The following SCMH1 variants were observed in gnomAD, a reference collection of about 807,000 sequenced individuals.
SCMH1 encodes polycomb protein SCMH1.
A neutral mutation model predicts 70.8 loss-of-function variants in SCMH1; 37 were observed. The ratio of observed to expected loss-of-function variants is 0.52; its 90% CI spans 0.40 to 0.69. The LOEUF (loss-of-function observed/expected upper bound fraction) is 0.69, where lower values mean the gene tolerates loss of function less well. Among genes scored for constraint, SCMH1 ranks in the 30% least tolerant of loss-of-function variants. The probability of loss-of-function intolerance (pLI) is 0.00; values close to 1 mark genes in which losing one functional copy is unlikely to be tolerated. For synonymous variants in SCMH1, 292 were observed against 307.4 expected, an observed-to-expected ratio of 0.95 and a Z score of 0.52; for missense variants, 607 against 827.3, an observed-to-expected ratio of 0.73 and a Z score of 3.27.
At chr1:41,062,224 T>C (rs1239183703) in intron 10 of SCMH1, among the ~76,000 whole-genome samples, 1 of 151,956 alleles carries the variant, frequency 6.6e-6, no homozygotes, top group Non-Finnish European at 1.5e-5. Flanking sequence ...AACAGAATGA[T>C]ACATGAAAAA....
At chr1:41,075,442 G>T in exon 9 of SCMH1, 1 of 1,613,686 alleles carries the variant, frequency 6.2e-7, no homozygotes, top group Non-Finnish European at 8.5e-7. Flanking sequence ...GGGATTCTTT[G>T]GAATCACAAC....
At chr1:41,095,610 T>C (rs139022290) in intron 8 of SCMH1, among the ~76,000 whole-genome samples, 62 of 152,302 alleles carry the variant, frequency 4.1e-4, no homozygotes, top group African/African-American at 1.5e-3. Flanking sequence ...AGCAGGAAAA[T>C]GTGCCATTCT....
rs548254396 is a variant in SCMH1, at chr1:41,116,449, G to A, written c.501+473C>T. On this transcript the variant is annotated intron_variant, in intron 7 of 14. Transcript: ENST00000337495. ...GCAAGCTCCTAATTCAAAAGTATTT[G>A]TTTCCTTAACTATTAAATGGAAATA... is the stretch of plus-strand genomic sequence containing the variant. Among the ~76,000 whole-genome samples the A allele has an allele frequency of 1.9e-3, 290 of 152,272 alleles. 2 individuals carry two copies. The highest frequency in any genetic ancestry group is 6.7e-3 in the African/African-American group (279 of 41,546).
intron 5 of SCMH1, among the ~76,000 whole-genome samples, chr1:41,144,228 T>C (rs943861715): frequency 2.0e-5 from 3 of 152,100 alleles, no homozygotes; most frequent in African/African-American, 7.2e-5. Flanking sequence ...CCCCTCAAAA[T>C]GAACCCCCTG....
intron 8 of SCMH1, among the ~76,000 whole-genome samples, chr1:41,105,637 T>A (rs771974799): frequency 6.6e-6 from 1 of 152,134 alleles, no homozygotes; most frequent in Non-Finnish European, 1.5e-5. Flanking sequence ...TCACAATAGG[T>A]GATACACATT....
At chr1:41,081,599 C>G (rs1016020109) in intron 8 of SCMH1, among the ~76,000 whole-genome samples, 1 of 152,122 alleles carries the variant, frequency 6.6e-6, no homozygotes, top group Non-Finnish European at 1.5e-5. Flanking sequence ...AGGAGGATTG[C>G]TTGAGGCCAG....
At chr1:41,186,187 G>T in exon 2 of SCMH1, 1 of 985,864 alleles carries the variant, frequency 1.0e-6, no homozygotes, top group Non-Finnish European at 1.6e-6. Flanking sequence ...ATTTATCCCT[G>T]GATCCACCAA....
intron 2 of SCMH1, among the ~76,000 whole-genome samples, chr1:41,175,753 T>C (rs1337554067): frequency 6.6e-6 from 1 of 152,174 alleles, no homozygotes; most frequent in African/African-American, 2.4e-5. Context: ...CATTGGCCAG[T>C]GTCCCACTCC....
At chr1:41,087,125 G>A (rs1661942024) in intron 8 of SCMH1, among the ~76,000 whole-genome samples, 1 of 151,928 alleles carries the variant, frequency 6.6e-6, no homozygotes, top group African/African-American at 2.4e-5. Flanking sequence ...AAATTACTAG[G>A]GCAAAGATGA....
intron 8 of SCMH1, among the ~76,000 whole-genome samples, chr1:41,106,878 C>T (rs780512211): frequency 2.6e-5 from 4 of 151,712 alleles, no homozygotes; most frequent in Admixed American, 6.6e-5. Context: ...TTAGTAGAGA[C>T]GGGGTTTCAC....
chr1:41,035,007 C>T (rs559822933), intron 13 of SCMH1, among the ~76,000 whole-genome samples: 3 of 152,196 alleles, frequency 2.0e-5, no homozygotes, highest in Non-Finnish European at 4.4e-5. Context: ...TACCTACTGC[C>T]AACACCACTG....
chr1:41,077,704 G>A (rs1043581434), intron 8 of SCMH1, among the ~76,000 whole-genome samples: 2 of 152,074 alleles, frequency 1.3e-5, no homozygotes, highest in Non-Finnish European at 2.9e-5. Context: ...ATAAACCATA[G>A]GCACAATCCA....
At chr1:41,115,056 C>CT (rs919404286) in intron 7 of SCMH1, among the ~76,000 whole-genome samples, 1 of 152,094 alleles carries the variant, frequency 6.6e-6, no homozygotes, top group African/African-American at 2.4e-5. Context: ...TTTTTACTAA[C>CT]TTTTTTTCTA....
At chr1:41,049,873 G>A (rs147231873) in intron 10 of SCMH1, among the ~76,000 whole-genome samples, 2,029 of 151,904 alleles carry the variant, frequency 0.013, 47 homozygotes, top group African/African-American at 0.047. Flanking sequence ...AGACCAGCCT[G>A]GGCAATACAG....
At chr1:41,163,279 G>A (rs994213633) in intron 2 of SCMH1, among the ~76,000 whole-genome samples, 3 of 152,292 alleles carry the variant, frequency 2.0e-5, no homozygotes, top group Non-Finnish European at 4.4e-5. Flanking sequence ...GTCTGACTGC[G>A]CAGTAGATGG....
intron 2 of SCMH1, among the ~76,000 whole-genome samples, chr1:41,171,203 T>TC (rs1646760152): frequency 6.6e-6 from 1 of 152,214 alleles, no homozygotes; most frequent in Non-Finnish European, 1.5e-5. Flanking sequence ...ATCAGCCAGC[T>TC]ACCCAGTGGC....
chr1:41,226,799 T>G (rs776293357), intron 1 of SCMH1, among the ~76,000 whole-genome samples: 2 of 152,214 alleles, frequency 1.3e-5, no homozygotes, highest in Non-Finnish European at 2.9e-5. Context: ...CAAGGTACTA[T>G]GAAATGTGCA....
chr1:41,197,657 GA>G (rs1653348617), intron 1 of SCMH1, among the ~76,000 whole-genome samples: 1 of 152,002 alleles, frequency 6.6e-6, no homozygotes, highest in Admixed American at 6.6e-5. Context: ...AATGTCTTAA[GA>G]TGGTAAACTT....
At chr1:41,199,562 G>C (rs1012802782) in intron 1 of SCMH1, among the ~76,000 whole-genome samples, 1 of 152,050 alleles carries the variant, frequency 6.6e-6, no homozygotes, top group South Asian at 2.1e-4. Flanking sequence ...TGGAAGTTAA[G>C]GTTAAGGCAC....
Sources: gnomAD v4.1 joint callset for allele counts (sites outside exome capture counted in the v4.1 genomes callset) on GRCh38, gnomAD v4.1.1 for gene constraint, MANE v1.5 for transcripts, NCBI Gene and HGNC (gene_info 2026-07-23, HGNC 2026-07-21) for gene names.